ZDHHC17: variants seen among roughly 807,000 people sequenced by gnomAD.
ZDHHC17 encodes the protein zDHHC palmitoyltransferase 17, also known as palmitoyltransferase ZDHHC17.
A neutral mutation model predicts 90.3 loss-of-function variants in ZDHHC17; 40 were observed. That is an observed-to-expected ratio of 0.44 (90% CI 0.34 to 0.58). The LOEUF is 0.58. ZDHHC17 is among the 20% of genes least tolerant of loss of function. ZDHHC17 has a pLI of 0.01. For missense variants in ZDHHC17, 614 were observed against 780.8 expected (o/e 0.79, Z 2.55); for synonymous variants, 235 against 252.4 (o/e 0.93, Z 0.65).
At chr12:76,833,190 T>A (rs1414763587) in intron 10 of ZDHHC17, among the ~76,000 whole-genome samples, 1 of 152,190 alleles carries the variant, frequency 6.6e-6, no homozygotes, top group Admixed American at 6.5e-5. Context: ...ATTTGGTGCT[T>A]TTTGGTTTAT....
chr12:76,803,102 A>T (rs1225853346), intron 2 of ZDHHC17, among the ~76,000 whole-genome samples: 1 of 152,064 alleles, frequency 6.6e-6, no homozygotes, highest in Admixed American at 6.6e-5. Flanking sequence ...AAGTACAAAA[A>T]AAGAGCCAAG....
At chr12:76,772,519 A>G (rs1952504832) in intron 1 of ZDHHC17, among the ~76,000 whole-genome samples, 1 of 143,840 alleles carries the variant, frequency 7.0e-6, no homozygotes, top group Admixed American at 7.3e-5. Context: ...TGTGTATTCT[A>G]TGGTTCTTAA....
chr12:76,784,146 C>T (rs1952659958), intron 1 of ZDHHC17, among the ~76,000 whole-genome samples: 1 of 152,184 alleles, frequency 6.6e-6, no homozygotes, highest in Non-Finnish European at 1.5e-5. Context: ...ACAACATATA[C>T]AGATTTCAAA....
chr12:76,783,491 G>C (rs563483069), intron 1 of ZDHHC17, among the ~76,000 whole-genome samples: 1 of 152,218 alleles, frequency 6.6e-6, no homozygotes, highest in Non-Finnish European at 1.5e-5. Flanking sequence ...GAACAACATG[G>C]TGGAAACCGC....
chr12:76,803,983 G>A (rs560290213), intron 2 of ZDHHC17, among the ~76,000 whole-genome samples: 4 of 152,248 alleles, frequency 2.6e-5, no homozygotes, highest in African/African-American at 9.6e-5. Flanking sequence ...GAAAAAAAGG[G>A]GCATATGTGT....
At chr12:76,787,540 T>TTTAC (rs1347824916) in intron 1 of ZDHHC17, among the ~76,000 whole-genome samples, 1 of 152,156 alleles carries the variant, frequency 6.6e-6, no homozygotes, top group Non-Finnish European at 1.5e-5. Flanking sequence ...GTATTCTCAT[T>TTTAC]TTACTTTTCC....
At chr12:76,845,871 T>C in intron 13 of ZDHHC17, 69 bp downstream of exon 13, 1 of 848,736 alleles carries the variant, frequency 1.2e-6, no homozygotes, top group South Asian at 1.6e-5. Flanking sequence ...TAAAGTATAA[T>C]ATTAAAGTAG....
chr12:76,829,003 C>G (rs999023926), intron 10 of ZDHHC17, among the ~76,000 whole-genome samples: 2 of 152,064 alleles, frequency 1.3e-5, no homozygotes, highest in African/African-American at 4.8e-5. Flanking sequence ...CAGAGAAATG[C>G]AAATTAAAAC....
chr12:76,795,061 G>C (rs1952802559), intron 1 of ZDHHC17, among the ~76,000 whole-genome samples: 1 of 151,906 alleles, frequency 6.6e-6, no homozygotes, highest in African/African-American at 2.4e-5. Context: ...TCTCTACTTT[G>C]TCTTTCCATT....
chr12:76,793,560 C>T (rs1952785255), intron 1 of ZDHHC17, among the ~76,000 whole-genome samples: 1 of 152,158 alleles, frequency 6.6e-6, no homozygotes, highest in Admixed American at 6.5e-5. Context: ...AATCTCTGAG[C>T]TCTTCCACTT....
At chr12:76,846,770 GGTC>G (rs1456242008) in intron 14 of ZDHHC17, 91 bp downstream of exon 14, 1 of 1,179,062 alleles carries the variant, frequency 8.5e-7, no homozygotes, top group Non-Finnish European at 1.2e-6. Context: ...TAATGACAAA[GGTC>G]GTTTAACTAA....
chr12:76,798,334 A>G (rs1215115232), intron 2 of ZDHHC17, among the ~76,000 whole-genome samples: 2 of 152,212 alleles, frequency 1.3e-5, no homozygotes, highest in Admixed American at 6.5e-5. Flanking sequence ...TTATAATGCA[A>G]AGTATATGGA....
intron 10 of ZDHHC17, among the ~76,000 whole-genome samples, chr12:76,835,639 G>A (rs1376373986): frequency 6.6e-6 from 1 of 151,826 alleles, no homozygotes; most frequent in Non-Finnish European, 1.5e-5. Context: ...TAATAACTTG[G>A]GGTATTTTGG....
intron 10 of ZDHHC17, among the ~76,000 whole-genome samples, chr12:76,829,947 C>T (rs2137788693): frequency 6.6e-6 from 1 of 152,240 alleles, no homozygotes; most frequent in East Asian, 1.9e-4. Flanking sequence ...TCTGCCTGAG[C>T]CTCCCAAGCA....
chr12:76,769,058 G>C (rs574360267), intron 1 of ZDHHC17: 2 of 425,888 alleles, frequency 4.7e-6, no homozygotes, highest in African/African-American at 4.1e-5. Context: ...TGAAGCTTTT[G>C]GTTTTTTGCT....
At chr12:76,847,332 G>C (rs183608038) in intron 14 of ZDHHC17, among the ~76,000 whole-genome samples, 1 of 152,168 alleles carries the variant, frequency 6.6e-6, no homozygotes, top group African/African-American at 2.4e-5. Context: ...TACAAGTCTT[G>C]GAAGGATGAT....
chr12:76,797,591 T>C, intron 2 of ZDHHC17, 54 bp downstream of exon 2: 1 of 1,329,568 alleles, frequency 7.5e-7, no homozygotes, highest in Non-Finnish European at 1.0e-6. Context: ...AAGTGAAATA[T>C]GAATCTGAAT....
At chr12:76,767,784 T>C (rs1243769341) in intron 1 of ZDHHC17, among the ~76,000 whole-genome samples, 2 of 152,122 alleles carry the variant, frequency 1.3e-5, no homozygotes, top group Admixed American at 6.5e-5. Flanking sequence ...CCATGCGTGG[T>C]GGCACATGCC....
intron 1 of ZDHHC17, among the ~76,000 whole-genome samples, chr12:76,785,978 G>A (rs577211701): frequency 6.6e-6 from 1 of 152,222 alleles, no homozygotes; most frequent in African/African-American, 2.4e-5. Context: ...AGTAATATGG[G>A]TAGACCATTT....
Sources: allele counts gnomAD v4.1 joint callset (sites outside exome capture counted in the v4.1 genomes callset), GRCh38; gene constraint gnomAD v4.1.1; transcripts MANE v1.5; gene names NCBI Gene and HGNC (gene_info 2026-07-23, HGNC 2026-07-21).